Variants in NEMP1 observed in about 807,000 individuals in gnomAD.
NEMP1 encodes the protein nuclear envelope integral membrane protein 1.
In NEMP1, 29 loss-of-function variants were observed where a neutral mutation model predicts 53.7. The observed-to-expected ratio is 0.54, with a 90% CI of 0.40 to 0.74. The LOEUF (loss-of-function observed/expected upper bound fraction) is 0.74, where lower values mean the gene tolerates loss of function less well. Among genes scored for constraint, NEMP1 ranks in the 30% least tolerant of loss-of-function variants. The probability of loss-of-function intolerance (pLI) is 0.00; values close to 1 mark genes in which losing one functional copy is unlikely to be tolerated. For synonymous variants in NEMP1, 193 were observed against 192.9 expected (o/e 1.00, Z 0.00); for missense variants, 477 against 528.6 (o/e 0.90, Z 0.96).
At chr12:57,069,841 T>C (rs924146209) in intron 3 of NEMP1, among the ~76,000 whole-genome samples, 3 of 148,808 alleles carry the variant, frequency 2.0e-5, no homozygotes, top group Non-Finnish European at 4.5e-5. Context: ...AAAGGCCCCT[T>C]AGTGGCATAC....
At chr12:57,075,110 G>A (rs1038324977) in intron 1 of NEMP1, among the ~76,000 whole-genome samples, 3 of 149,646 alleles carry the variant, frequency 2.0e-5, no homozygotes, top group Non-Finnish European at 3.0e-5. Context: ...TAAGGGGCTG[G>A]GCGCCGTGGC....
intron 1 of NEMP1, among the ~76,000 whole-genome samples, chr12:57,074,107 T>C (rs1193526990): frequency 6.6e-6 from 1 of 151,804 alleles, no homozygotes; most frequent in Non-Finnish European, 1.5e-5. Context: ...TAGCCAGGAC[T>C]ACAGGTATAC....
At chr12:57,061,012 C>A in intron 7 of NEMP1, 67 bp from the exon 8 acceptor site, 2 of 1,522,876 alleles carry the variant, frequency 1.3e-6, no homozygotes. Flanking sequence ...ACTTCTAGCT[C>A]CCTTCAGTGG....
intron 4 of NEMP1, among the ~76,000 whole-genome samples, chr12:57,065,470 C>A (rs1000486558): frequency 6.6e-6 from 1 of 151,634 alleles, no homozygotes; most frequent in African/African-American, 2.4e-5. Flanking sequence ...ATGATGTTAG[C>A]TAGATCTTCT....
At chr12:57,063,918 G>T (rs1326405813) in intron 6 of NEMP1, among the ~76,000 whole-genome samples, 153 bp downstream of exon 6, 1 of 151,850 alleles carries the variant, frequency 6.6e-6, no homozygotes, top group African/African-American at 2.4e-5. Flanking sequence ...AATTGTAGAG[G>T]GATTAGAAAT....
intron 1 of NEMP1, among the ~76,000 whole-genome samples, chr12:57,086,133 G>A (rs530328924): frequency 4.6e-5 from 7 of 152,292 alleles, no homozygotes; most frequent in African/African-American, 1.7e-4. Flanking sequence ...GTCGGATCTG[G>A]CCCAGTGGAG....
intron 1 of NEMP1, among the ~76,000 whole-genome samples, chr12:57,075,727 G>A (rs1237171623): frequency 6.6e-6 from 1 of 151,968 alleles, no homozygotes; most frequent in Non-Finnish European, 1.5e-5. Context: ...AGCACTTTGG[G>A]AGGCTGAGGC....
At chr12:57,080,353 T>C (rs1055199292), upstream of NEMP1, among the ~76,000 whole-genome samples, 1 of 145,734 alleles carries the variant, frequency 6.9e-6, no homozygotes, top group South Asian at 2.2e-4. Context: ...CCGAGGCGGG[T>C]GGATCAACTG....
In NEMP1 at chr12:57,070,792, G is replaced by A. The variant is rs1555170913; in HGVS notation, c.354C>T (p.Ser118=). Residue 118 remains serine (S), a synonymous_variant, in exon 3 of 9, where the codon TCC becomes TCT. Coordinates refer to ENST00000300128, the MANE Select transcript of NEMP1 (RefSeq NM_001130963.2). ...TGTCATTCAATTTCTCTTTTAAAAA[G>A]GAGGAAAAAAAGTTCCAGATACTAA... The part of the protein sequence containing the change: ...EQFSIWNFFS[S]FLKEKLNDTY... The A allele has an allele frequency of 6.2e-7, 1 of 1,613,344 alleles. No homozygotes were observed. The highest frequency in any genetic ancestry group is 1.1e-5 in the South Asian group (1 of 90,932).
At chr12:57,080,878 G>C (rs1014964579), upstream of NEMP1, among the ~76,000 whole-genome samples, 2 of 148,302 alleles carry the variant, frequency 1.3e-5, no homozygotes, top group Admixed American at 6.8e-5. Flanking sequence ...GTGACAGAGC[G>C]AGCCTCTCTT....
chr12:57,085,225 G>T (rs766343524), intron 1 of NEMP1, among the ~76,000 whole-genome samples: 1 of 152,048 alleles, frequency 6.6e-6, no homozygotes, highest in Admixed American at 6.6e-5. Flanking sequence ...GCTCTGTGGT[G>T]CAGGGATGCA....
chr12:57,077,194 T>C (rs2032668640), intron 1 of NEMP1, among the ~76,000 whole-genome samples: 1 of 151,064 alleles, frequency 6.6e-6, no homozygotes, highest in Non-Finnish European at 1.5e-5. Context: ...TAGCCGGGCG[T>C]GGTGGTGGGC....
intron 1 of NEMP1, 86 bp downstream of exon 1, chr12:57,078,533 A>C (rs2032736465): frequency 1.3e-5 from 20 of 1,507,140 alleles, no homozygotes. Context: ...TCTGCAGAGT[A>C]ACGGCCCGCG....
At chr12:57,060,970 G>A (rs1192610110) in intron 7 of NEMP1, 25 bp from the exon 8 acceptor site, 1 of 1,606,646 alleles carries the variant, frequency 6.2e-7, no homozygotes. Context: ...ATAACATTAT[G>A]AATCATTAAT....
upstream of NEMP1, among the ~76,000 whole-genome samples, chr12:57,088,411 C>T (rs892915052): frequency 1.3e-5 from 2 of 152,174 alleles, no homozygotes; most frequent in African/African-American, 4.8e-5. Context: ...CCTGCAGAGC[C>T]CCACGCTCTC....
At chr12:57,081,690 G>A (rs967902000), upstream of NEMP1, among the ~76,000 whole-genome samples, 2 of 149,992 alleles carry the variant, frequency 1.3e-5, no homozygotes, top group Non-Finnish European at 3.0e-5. Flanking sequence ...GGCGGATCAT[G>A]AGGTCAGGAG....
chr12:57,087,599 TGGA>T (rs960193577), intron 1 of NEMP1, among the ~76,000 whole-genome samples: 1 of 151,800 alleles, frequency 6.6e-6, no homozygotes, highest in African/African-American at 2.4e-5. Context: ...CTTAATAGGT[TGGA>T]GAAGAGGACC....
Position 57,076,095 on chromosome 12 carries a change from T to A in NEMP1, c.127+2524A>T, listed in dbSNP as rs572021874. On this transcript the variant is annotated intron_variant, in intron 1 of 8. Coordinates refer to ENST00000300128, the MANE Select transcript of NEMP1 (RefSeq NM_001130963.2). The stretch of plus-strand genomic sequence containing the variant: ...AGAGCAAGACTCCATCTCAAAAAAA[T>A]AAATAAATAAATAAATAAAAATGTA... Among the ~76,000 whole-genome samples the A allele has an allele frequency of 7.4e-3, 1,117 of 151,588 alleles. 14 individuals are homozygous for A. The highest frequency in any genetic ancestry group is 0.025 in the African/African-American group (1,035 of 41,318).
At chr12:57,068,711 G>A (rs1379192653) in intron 4 of NEMP1, among the ~76,000 whole-genome samples, 6 of 152,156 alleles carry the variant, frequency 3.9e-5, no homozygotes, top group South Asian at 2.1e-4. Flanking sequence ...GACTACAGGC[G>A]CCCGCCACCA....
Sources: allele counts gnomAD v4.1 joint callset (sites outside exome capture counted in the v4.1 genomes callset), GRCh38; gene constraint gnomAD v4.1.1; transcripts MANE v1.5; gene names NCBI Gene and HGNC (gene_info 2026-07-23, HGNC 2026-07-21).